DCTN1: variants seen among roughly 807,000 people sequenced by gnomAD.
The protein encoded by DCTN1 is dynactin subunit 1.
Under a neutral mutation model 161.2 loss-of-function variants are expected in DCTN1, and 61 were observed. That is an observed-to-expected ratio of 0.38 (90% CI 0.31 to 0.47). The LOEUF (loss-of-function observed/expected upper bound fraction) is 0.47, where lower values mean the gene tolerates loss of function less well. DCTN1 is among the 20% of genes least tolerant of loss of function. The pLI, the probability that DCTN1 is intolerant of heterozygous loss-of-function variation, is 0.99. For missense variants in DCTN1, 1,404 were observed against 1,623.7 expected (o/e 0.86, Z 2.33); for synonymous variants, 653 against 632.4 (o/e 1.03, Z -0.49).
chr2:74,366,884 T>G lies in DCTN1; in HGVS notation c.2365A>C (p.Thr789Pro), dbSNP rs201592072. 3 of 1,614,126 alleles carry G rather than the reference T, an allele frequency of 1.9e-6. No homozygotes were observed. In the East Asian group the frequency reaches 6.7e-5, roughly 36 times the overall value. The change falls in exon 21 of 32, where the codon ACT becomes CCT. Residue 789 changes from threonine (T) to proline (P), a missense_variant. Coordinates refer to ENST00000628224, the MANE Select transcript of DCTN1 (RefSeq NM_004082.5). ...DIALLLRDLE[T>P]SCSDIRQFCK... ...AACTGGCGGATGTCACTGCATGAAG[T>G]TTCCAGATCCCGGAGCAGGAGGGCA... is the stretch of plus-strand genomic sequence containing the variant.
In DCTN1 at chr2:74,367,025, A is replaced by T; in HGVS notation, c.2316+20T>A. 6.2e-7 allele frequency: 1 copy of T among 1,614,222 alleles called. No individual in the cohort carries two copies. Among genetic ancestry groups the T allele is most frequent in the Non-Finnish European group, 8.5e-7 (1 of 1,180,036 alleles). On this transcript the variant is annotated intron_variant, in intron 20 of 31. Coordinates refer to ENST00000628224, the MANE Select transcript of DCTN1 (RefSeq NM_004082.5). ...ACTAAGAAAGAAGAGGAGCTCACAC[A>T]GATCTAGATGTGTTCTCACCTGCAA...
intron 26 of DCTN1, chr2:74,364,727 G>C (rs1205309322): frequency 7.8e-6 from 3 of 383,798 alleles, no homozygotes; most frequent in South Asian, 6.6e-5. Flanking sequence ...GGATGCCCCA[G>C]GAGAGTCAGC....
Position 74,378,093 on chromosome 2 carries a change from C to T in DCTN1, c.186G>A (p.Leu62=). Reference sequence around the variant, plus strand: ...CATCATTTTTGCCCTTTGCTTCATCCAGAATCACGCCTACCCATTTGCCAG... The same window carrying T: ...CATCATTTTTGCCCTTTGCTTCATCTAGAATCACGCCTACCCATTTGCCAG... ...FATGKWVGVI[L]DEAKGKNDGT... is the part of the protein sequence containing the mutation. Residue 62 remains leucine, a synonymous_variant, in exon 2 of 32, where the codon CTG becomes CTA. Transcript: ENST00000628224. 1 of 1,614,266 alleles carries T rather than the reference C, an allele frequency of 6.2e-7. No individual in the cohort carries two copies. Among genetic ancestry groups the T allele is most frequent in the Non-Finnish European group, 8.5e-7 (1 of 1,180,048 alleles).
chr2:74,383,239 T>C (rs932570940), upstream of DCTN1, among the ~76,000 whole-genome samples: 2 of 152,230 alleles, frequency 1.3e-5, no homozygotes, highest in African/African-American at 2.4e-5. Context: ...TAACGAATTG[T>C]AGATGGTTAT....
At chr2:74,387,760 C>G (rs1234368074) in intron 1 of DCTN1, among the ~76,000 whole-genome samples, 2 of 143,352 alleles carry the variant, frequency 1.4e-5, no homozygotes, top group East Asian at 4.6e-4. Context: ...GTCCCTGAAC[C>G]AGGTTCTCCC....
chr2:74,363,529 T>C, intron 27 of DCTN1, 85 bp downstream of exon 27: 1 of 1,598,042 alleles, frequency 6.3e-7, no homozygotes, highest in Non-Finnish European at 8.5e-7. Flanking sequence ...ATCACCCATC[T>C]CCAGTCCTGG....
At chr2:74,379,264 G>A (rs1675397616) in intron 1 of DCTN1, among the ~76,000 whole-genome samples, 2 of 152,028 alleles carry the variant, frequency 1.3e-5, no homozygotes, top group Non-Finnish European at 2.9e-5. Context: ...GCAAACAGAT[G>A]AATGAGGCAT....
rs759710617 is a variant in DCTN1, at chr2:74,361,589, G to A, written c.3747C>T (p.Thr1249=). The A allele has an allele frequency of 1.2e-6, 2 of 1,613,978 alleles. No homozygotes were observed. Among genetic ancestry groups the A allele is most frequent in the Admixed American group, 1.7e-5 (1 of 59,996 alleles). Residue 1249 remains threonine, a synonymous_variant, in exon 32 of 32, where the codon ACC becomes ACT. Coordinates refer to ENST00000628224, the MANE Select transcript of DCTN1 (RefSeq NM_004082.5). The part of the protein sequence containing the change: ...QDDTVYMGKV[T]FSCAAGFGQR... ...GTCCAAAACCAGCCGCACATGAGAAGGTCACTTTGCCCATGTAGACTGTGT... is the reference window on the plus strand; with the variant it reads ...GTCCAAAACCAGCCGCACATGAGAAAGTCACTTTGCCCATGTAGACTGTGT...
At chr2:74,380,501 T>A, upstream of DCTN1, 1 of 473,890 alleles carries the variant, frequency 2.1e-6, no homozygotes, top group South Asian at 1.5e-5. Context: ...CCACTCACCA[T>A]CACTGTTCCC....
At chr2:74,374,636 G>C (rs1277520055) in intron 5 of DCTN1, 5 of 1,228,792 alleles carry the variant, frequency 4.1e-6, no homozygotes, top group Non-Finnish European at 5.2e-6. Flanking sequence ...GCCTGGCCCA[G>C]TTCACCAGCT....
chr2:74,371,162 T>G lies in DCTN1; in HGVS notation c.660A>C (p.Leu220=). ...LPSPSKEEEG[L]RAQVRDLEEK... ...CCTCCAGGTCCCGCACCTGAGCCCT[T>G]AGTCCCTCCTCCTCCTGCAAAGGAG... is the stretch of plus-strand genomic sequence containing the variant. Residue 220 remains leucine, a synonymous_variant, in exon 9 of 32, where the codon CTA becomes CTC. Transcript: ENST00000628224. 1 of 1,613,778 alleles carries G rather than the reference T, an allele frequency of 6.2e-7. No homozygotes were observed. Among genetic ancestry groups the G allele is most frequent in the South Asian group, 1.1e-5 (1 of 91,084 alleles).
chr2:74,379,952 G>T lies in DCTN1; in HGVS notation c.33+53C>A, dbSNP rs989130915. ...CCCACAGCAATGATGTCCACAGGCA[G>T]CCAGGCCTTCCCCAGCAGCCCTCCA... On this transcript the variant is annotated intron_variant, in intron 1 of 31. Coordinates refer to ENST00000628224, the MANE Select transcript of DCTN1 (RefSeq NM_004082.5). The T allele has an allele frequency of 2.5e-6, 4 of 1,581,886 alleles. No homozygotes were observed. The Admixed American group carries it at 5.0e-5, about 20-fold the overall frequency.
rs1466323269 is a variant in DCTN1, at chr2:74,370,687, G to T, written c.982C>A (p.Leu328Met). The T allele has an allele frequency of 1.2e-6, 2 of 1,614,174 alleles. No individual in the cohort carries two copies. The highest frequency in any genetic ancestry group is 2.2e-5 in the South Asian group (2 of 91,084). ...AESLQQEVEA[L>M]KERVDELTTD... The stretch of plus-strand genomic sequence containing the variant: ...GTGAGCTCGTCCACCCGCTCCTTCA[G>T]TGCCTCCACCTCCTGCTGCAGGGAC... The change falls in exon 10 of 32, where the codon CTG (leucine) becomes ATG (methionine). Residue 328 changes from leucine (L) to methionine (M), a missense_variant. Leu to Met is a conservative substitution (Grantham distance 15). Transcript: ENST00000628224. The surrounding 1 kb of genome is among the most constrained non-coding windows in gnomAD (Gnocchi z 4.4).
Position 74,369,984 on chromosome 2 carries a change from C to T in DCTN1, c.1373G>A (p.Arg458Lys). 6.2e-7 allele frequency: 1 copy of T among 1,614,186 alleles called. No homozygotes were observed. Among genetic ancestry groups the T allele is most frequent in the Non-Finnish European group, 8.5e-7 (1 of 1,180,046 alleles). ...LNLEEKVREL[R>K]ETVGDLEAMN... ...TCTTACCAAGTCTCCCACAGTCTCC[C>T]TCAACTCGCGCACTTTCTCTTCCAG... Residue 458 changes from arginine (R) to lysine (K), a missense_variant, in exon 13 of 32, where the codon AGG becomes AAG. Arg to Lys is a conservative substitution (Grantham distance 26). Around this residue, in one of 9 missense-constraint regions of DCTN1, gnomAD observed 278 missense variants for 363.8 expected, o/e 0.76. Transcript: ENST00000628224. The surrounding 1 kb of genome is among the most constrained non-coding windows in gnomAD (Gnocchi z 4.9).
intron 5 of DCTN1, among the ~76,000 whole-genome samples, chr2:74,375,275 G>A (rs1675158808): frequency 6.6e-6 from 1 of 152,192 alleles, no homozygotes; most frequent in Non-Finnish European, 1.5e-5. Flanking sequence ...AAAGAACTAG[G>A]CACTTTGCAG....
intron 7 of DCTN1, chr2:74,372,054 G>A: frequency 5.5e-6 from 2 of 365,422 alleles, no homozygotes; most frequent in Non-Finnish European, 1.0e-5. Flanking sequence ...CTACCCTTAA[G>A]AGCAGAATCC....
Position 74,374,066 on chromosome 2 carries a change from G to A in DCTN1, c.432+257C>T, listed in dbSNP as rs571578484. 8.7e-5 allele frequency: 47 copies of A among 537,808 alleles called. 1 individual carries two copies. The highest frequency in any genetic ancestry group is 7.5e-4 in the South Asian group (43 of 57,706). The allele number at this position is 537,808 out of a possible 1,614,324, so 33.3% of individuals were successfully genotyped here. ...ATCCGGTATGCGGTAGAGGCTGCCT[G>A]AAGCCCAAGCCTGTGAGGCCACTGG... On this transcript the variant is annotated intron_variant, in intron 6 of 31. Coordinates refer to ENST00000628224, the MANE Select transcript of DCTN1 (RefSeq NM_004082.5).
rs13429740 is a variant in DCTN1, at chr2:74,369,513, T to G, written c.1393-22A>C. The G allele has an allele frequency of 0.013, 20,510 of 1,609,638 alleles. 2,212 individuals carry two copies. In the African/African-American group the frequency reaches 0.24, roughly 19 times the overall value. On this transcript the variant is annotated intron_variant, in intron 13 of 31. Coordinates refer to ENST00000628224, the MANE Select transcript of DCTN1 (RefSeq NM_004082.5). The surrounding 1 kb of genome is among the most constrained non-coding windows in gnomAD (Gnocchi z 4.9). The stretch of plus-strand genomic sequence containing the variant: ...CTTCCTAGGACACCACACCATAGTT[T>G]GGGCTAAAGAAAGGCAGGGTCGGCC...
chr2:74,382,793 C>A (rs1675566505), upstream of DCTN1, among the ~76,000 whole-genome samples: 1 of 152,066 alleles, frequency 6.6e-6, no homozygotes, highest in Non-Finnish European at 1.5e-5. Flanking sequence ...TATGTGGAGG[C>A]CGGGCGCGGT....
Sources: allele counts gnomAD v4.1 joint callset (sites outside exome capture counted in the v4.1 genomes callset), GRCh38; gene constraint gnomAD v4.1.1; regional missense constraint gnomAD v4.1.1; non-coding constraint Gnocchi (gnomAD v3.1); transcripts MANE v1.5; gene names NCBI Gene and HGNC (gene_info 2026-07-23, HGNC 2026-07-21).